The following MTSS1 variants were observed in gnomAD, a reference collection of about 807,000 sequenced individuals.
MTSS1 encodes the protein MTSS I-BAR domain containing 1.
In MTSS1, 18 loss-of-function variants were observed where a neutral mutation model predicts 79.0. The ratio of observed to expected loss-of-function variants is 0.23; its 90% CI spans 0.16 to 0.34. The LOEUF (loss-of-function observed/expected upper bound fraction) is 0.34, where lower values mean the gene tolerates loss of function less well. Ranked by LOEUF, MTSS1 falls within the 10% of genes least tolerant of loss-of-function variation. The pLI is 1.00. For synonymous variants in MTSS1, 341 were observed against 368.6 expected, an observed-to-expected ratio of 0.93 and a Z score of 0.86; for missense variants, 815 against 986.2, an observed-to-expected ratio of 0.83 and a Z score of 2.33.
At chr8:124,667,549 CAGG>C (rs1258019434) in intron 3 of MTSS1, among the ~76,000 whole-genome samples, 1 of 152,108 alleles carries the variant, frequency 6.6e-6, no homozygotes, top group Non-Finnish European at 1.5e-5. Context: ...GAGGCTGAGG[CAGG>C]AGAATTGCTT....
chr8:124,665,757 C>T (rs1165061970), intron 3 of MTSS1, among the ~76,000 whole-genome samples: 6 of 152,040 alleles, frequency 3.9e-5, no homozygotes, highest in Admixed American at 3.9e-4. Context: ...ATCCAAGCTA[C>T]TCAGGAGGCT....
intron 1 of MTSS1, among the ~76,000 whole-genome samples, chr8:124,714,918 A>G (rs1325828381): frequency 2.0e-5 from 3 of 152,202 alleles, no homozygotes; most frequent in Admixed American, 6.5e-5. Context: ...AATCCTCCCC[A>G]GAATAATACA....
At chr8:124,705,426 G>A (rs1434249431) in intron 1 of MTSS1, among the ~76,000 whole-genome samples, 1 of 152,050 alleles carries the variant, frequency 6.6e-6, no homozygotes. Context: ...AGCTGAGATC[G>A]CACCACTGCA....
intron 6 of MTSS1, 119 bp downstream of exon 6, chr8:124,584,968 C>G: frequency 1.3e-6 from 1 of 795,386 alleles, no homozygotes; most frequent in South Asian, 1.6e-5. Flanking sequence ...TATTTGCTCC[C>G]ACCTGTTTTC....
At chr8:124,659,890 G>C (rs1342164783) in intron 3 of MTSS1, among the ~76,000 whole-genome samples, 1 of 152,148 alleles carries the variant, frequency 6.6e-6, no homozygotes, top group Non-Finnish European at 1.5e-5. Flanking sequence ...CAACTAAATA[G>C]AAATAAATAC....
At chr8:124,713,612 C>A (rs1831487309) in intron 1 of MTSS1, among the ~76,000 whole-genome samples, 1 of 151,700 alleles carries the variant, frequency 6.6e-6, no homozygotes, top group Admixed American at 6.6e-5. Flanking sequence ...TTAGTAGAGA[C>A]AGGGTTTTGC....
At chr8:124,611,108 C>CA (rs756906311) in intron 3 of MTSS1, among the ~76,000 whole-genome samples, 2 of 133,444 alleles carry the variant, frequency 1.5e-5, no homozygotes, top group African/African-American at 6.0e-5. Flanking sequence ...CCAGACAGAC[C>CA]CCCCCCCCCC....
chr8:124,722,985 T>A (rs1455491949), intron 1 of MTSS1, among the ~76,000 whole-genome samples: 1 of 152,180 alleles, frequency 6.6e-6, no homozygotes, highest in Non-Finnish European at 1.5e-5. Context: ...AGATAAAGCA[T>A]CTAATGAATC....
At chr8:124,578,911 GAATT>G (rs1300461273) in intron 6 of MTSS1, among the ~76,000 whole-genome samples, 1 of 152,082 alleles carries the variant, frequency 6.6e-6, no homozygotes, top group African/African-American at 2.4e-5. Context: ...AATAATTAAA[GAATT>G]ATTTTTTTCT....
rs76931051 is a variant in MTSS1, at chr8:124,667,050, A to G, written c.208+32476T>C. ...CTAGTTATATAAAAAGAAAAGAAGA[A>G]CAGATCTAAGAAGCAGGCTGGGATT... is the stretch of plus-strand genomic sequence containing the variant. On this transcript the variant is annotated intron_variant, in intron 3 of 13. Coordinates refer to ENST00000518547, the MANE Select transcript of MTSS1 (RefSeq NM_014751.6). Among the ~76,000 whole-genome samples, 839 of 152,236 alleles carry G rather than the reference A, an allele frequency of 5.5e-3. 8 individuals carry two copies. Among genetic ancestry groups the G allele is most frequent in the African/African-American group, 0.019 (810 of 41,544 alleles).
At chr8:124,722,417 C>T (rs1042508751) in intron 1 of MTSS1, among the ~76,000 whole-genome samples, 3 of 152,152 alleles carry the variant, frequency 2.0e-5, no homozygotes, top group Non-Finnish European at 2.9e-5. Flanking sequence ...ACGGGGACTG[C>T]TCTGGAGTGG....
intron 2 of MTSS1, among the ~76,000 whole-genome samples, chr8:124,703,638 G>C (rs1167753991): frequency 6.6e-6 from 1 of 152,150 alleles, no homozygotes; most frequent in African/African-American, 2.4e-5. Context: ...AAGCAGAATG[G>C]AGGAGAACAT....
chr8:124,696,309 T>C (rs535966804), intron 3 of MTSS1, among the ~76,000 whole-genome samples: 2 of 152,256 alleles, frequency 1.3e-5, no homozygotes, highest in East Asian at 3.9e-4. Context: ...TTTTTTAAAC[T>C]AAAGAGCATG....
chr8:124,633,874 G>A (rs1440146357), intron 3 of MTSS1, among the ~76,000 whole-genome samples: 1 of 151,980 alleles, frequency 6.6e-6, no homozygotes, highest in African/African-American at 2.4e-5. Context: ...GGTTCTAGAA[G>A]TGCTTTCCCA....
intron 10 of MTSS1, among the ~76,000 whole-genome samples, chr8:124,560,408 T>G (rs191990844): frequency 3.9e-3 from 591 of 152,296 alleles, no homozygotes; most frequent in Non-Finnish European, 6.2e-3. Context: ...AAAAATTGCC[T>G]ATCAGAGACA....
intron 3 of MTSS1, among the ~76,000 whole-genome samples, chr8:124,662,852 T>C (rs1274870518): frequency 6.6e-6 from 1 of 152,120 alleles, no homozygotes; most frequent in Non-Finnish European, 1.5e-5. Context: ...TGTCGTGGTA[T>C]CCAAGGGGAC....
At chr8:124,565,228 C>T (rs542127116) in intron 9 of MTSS1, among the ~76,000 whole-genome samples, 4 of 152,234 alleles carry the variant, frequency 2.6e-5, no homozygotes, top group African/African-American at 9.6e-5. Flanking sequence ...TTTATGAAAC[C>T]CTGAAACAAA....
chr8:124,568,774 T>A (rs1012843661), intron 6 of MTSS1: 2 of 1,455,662 alleles, frequency 1.4e-6, no homozygotes, highest in Non-Finnish European at 1.8e-6. Flanking sequence ...GAAAATGTCC[T>A]GGGGCAACTC....
At chr8:124,688,277 A>G (rs527659491) in intron 3 of MTSS1, among the ~76,000 whole-genome samples, 12 of 151,120 alleles carry the variant, frequency 7.9e-5, no homozygotes, top group Middle Eastern at 3.4e-3. Context: ...ATGTGTGTGT[A>G]TATATGTGTG....
Sources: gnomAD v4.1 joint callset for allele counts (sites outside exome capture counted in the v4.1 genomes callset) on GRCh38, gnomAD v4.1.1 for gene constraint, MANE v1.5 for transcripts, NCBI Gene and HGNC (gene_info 2026-07-23, HGNC 2026-07-21) for gene names.